Variants in CCDC149 observed in about 807,000 individuals in gnomAD.
CCDC149 encodes coiled-coil domain-containing protein 149.
CCDC149 carries 45 observed loss-of-function variants against 59.9 expected under a neutral mutation model. That is an observed-to-expected ratio of 0.75 (90% CI 0.59 to 0.96). The LOEUF is 0.96. CCDC149 is among the 40% of genes least tolerant of loss of function. The pLI is 0.00. For synonymous variants in CCDC149, 245 were observed against 260.6 expected, an observed-to-expected ratio of 0.94 and a Z score of 0.58; for missense variants, 584 against 664.7, an observed-to-expected ratio of 0.88 and a Z score of 1.33.
intron 1 of CCDC149, among the ~76,000 whole-genome samples, chr4:24,899,076 TA>T (rs1168304254): frequency 6.6e-6 from 1 of 152,120 alleles, no homozygotes; most frequent in African/African-American, 2.4e-5. Flanking sequence ...TTTCAATGCT[TA>T]GATGATGACT....
At chr4:24,872,936 C>A (rs559289042) in intron 3 of CCDC149, among the ~76,000 whole-genome samples, 1 of 151,050 alleles carries the variant, frequency 6.6e-6, no homozygotes, top group Non-Finnish European at 1.5e-5. Context: ...ACAGTATGCA[C>A]CCATAGAACA....
intron 1 of CCDC149, among the ~76,000 whole-genome samples, chr4:24,966,948 C>T (rs978210799): frequency 1.3e-5 from 2 of 152,318 alleles, no homozygotes; most frequent in Admixed American, 6.5e-5. Context: ...CTGGTGGATA[C>T]TGGTGCAGAT....
chr4:24,878,776 G>A (rs867607660), intron 1 of CCDC149, among the ~76,000 whole-genome samples: 51 of 152,192 alleles, frequency 3.4e-4, no homozygotes, highest in African/African-American at 1.2e-3. Context: ...TAAGCTCCGC[G>A]GGAACATCCC....
chr4:24,962,747 G>T lies in CCDC149; in HGVS notation c.-65+17322C>A, dbSNP rs544151840. On this transcript the variant is annotated intron_variant, in intron 1 of 12. Transcript: ENST00000389609. ...GGGGCCTGTTGTGGGGTGGGAGGAG[G>T]GGGGAGGGATAGCATTAGGAGATAT... Among the ~76,000 whole-genome samples, 105 of 152,090 alleles carry T rather than the reference G, an allele frequency of 6.9e-4. 1 individual carries two copies. The highest frequency in any genetic ancestry group is 3.3e-3 in the South Asian group (16 of 4,810).
intron 9 of CCDC149, among the ~76,000 whole-genome samples, chr4:24,825,580 T>C (rs940718013): frequency 9.2e-5 from 14 of 152,008 alleles, no homozygotes; most frequent in South Asian, 2.1e-4. Context: ...GAGACCATCC[T>C]GGCTAACATG....
intron 1 of CCDC149, among the ~76,000 whole-genome samples, chr4:24,936,515 G>A (rs930545910): frequency 7.2e-5 from 11 of 152,054 alleles, no homozygotes; most frequent in East Asian, 3.9e-4. Context: ...AATCAAGGTC[G>A]TTACCATATC....
At chr4:24,940,750 T>A in intron 1 of CCDC149, among the ~76,000 whole-genome samples, 1 of 152,016 alleles carries the variant, frequency 6.6e-6, no homozygotes, top group East Asian at 1.9e-4. Context: ...GTAATTCTAG[T>A]CTCAGATAAA....
At chr4:24,923,814 C>A (rs7688129) in intron 1 of CCDC149, among the ~76,000 whole-genome samples, 1 of 152,152 alleles carries the variant, frequency 6.6e-6, no homozygotes, top group East Asian at 1.9e-4. Flanking sequence ...AACAAAGACA[C>A]CCAAATATAC....
chr4:24,962,789 C>T lies in CCDC149; in HGVS notation c.-65+17280G>A, dbSNP rs547423352. Among the ~76,000 whole-genome samples the T allele has an allele frequency of 1.2e-3, 175 of 151,782 alleles. 1 individual carries two copies. The highest frequency in any genetic ancestry group is 3.2e-3 in the Admixed American group (49 of 15,256). On this transcript the variant is annotated intron_variant, in intron 1 of 12. Transcript: ENST00000389609. ...AGGAGATATACCTAATGTTAAGTGA[C>T]GAGTTAGTGGGTGCAGCACACCAAC...
At chr4:24,937,913 T>C (rs1395033953) in intron 1 of CCDC149, among the ~76,000 whole-genome samples, 1 of 152,164 alleles carries the variant, frequency 6.6e-6, no homozygotes, top group Non-Finnish European at 1.5e-5. Flanking sequence ...TCCTAAATGC[T>C]GTGCTGCTCC....
chr4:24,822,664 G>T, intron 9 of CCDC149, 91 bp from the exon 10 acceptor site: 1 of 841,302 alleles, frequency 1.2e-6, no homozygotes, highest in Non-Finnish European at 1.8e-6. Flanking sequence ...GTAGAAAAGT[G>T]TTGAGATTTA....
In CCDC149 at chr4:24,846,568, G is replaced by C. The variant is rs189491214; in HGVS notation, c.372+6504C>G. Among the ~76,000 whole-genome samples the C allele has an allele frequency of 9.8e-5, 15 of 152,322 alleles. No individual in the cohort carries two copies. In the East Asian group the frequency reaches 2.7e-3, roughly 27 times the overall value. On this transcript the variant is annotated intron_variant, in intron 4 of 12. Coordinates refer to ENST00000635206, the MANE Select transcript of CCDC149 (RefSeq NM_001330643.2). The stretch of plus-strand genomic sequence containing the variant: ...CTCATTGGTCTGTCTTTATTGGCCT[G>C]TAGCTGTATCTTAATTGGTTTGCTC...
At chr4:24,896,241 T>C (rs1019340680) in intron 1 of CCDC149, among the ~76,000 whole-genome samples, 1 of 152,228 alleles carries the variant, frequency 6.6e-6, no homozygotes, top group Non-Finnish European at 1.5e-5. Context: ...CTCAGTCTAA[T>C]CCACAAGCTT....
intron 12 of CCDC149, among the ~76,000 whole-genome samples, chr4:24,814,433 C>A (rs1714875771): frequency 6.6e-6 from 1 of 152,138 alleles, no homozygotes; most frequent in South Asian, 2.1e-4. Context: ...CTAATAGGTT[C>A]CTTTGATTCT....
intron 1 of CCDC149, among the ~76,000 whole-genome samples, chr4:24,900,650 C>T (rs1294478001): frequency 6.6e-6 from 1 of 152,266 alleles, no homozygotes; most frequent in East Asian, 1.9e-4. Flanking sequence ...CACAGAGATA[C>T]AGCTCCTCTC....
chr4:24,948,763 C>A (rs1336167669), intron 1 of CCDC149, among the ~76,000 whole-genome samples: 1 of 152,066 alleles, frequency 6.6e-6, no homozygotes, highest in African/African-American at 2.4e-5. Flanking sequence ...ATTGTAGTTC[C>A]CATAATTCCC....
At chr4:24,945,106 G>T (rs1257518101) in intron 1 of CCDC149, among the ~76,000 whole-genome samples, 1 of 152,216 alleles carries the variant, frequency 6.6e-6, no homozygotes, top group African/African-American at 2.4e-5. Context: ...ATCACAGTTT[G>T]CTGGGCTCCA....
At chr4:24,914,219 C>T (rs1722049124), upstream of CCDC149, among the ~76,000 whole-genome samples, 1 of 151,918 alleles carries the variant, frequency 6.6e-6, no homozygotes, top group South Asian at 2.1e-4. Flanking sequence ...AATGAAGTAT[C>T]ACCTTGAAAG....
At chr4:24,934,475 A>G (rs1386551089) in intron 1 of CCDC149, among the ~76,000 whole-genome samples, 2 of 152,202 alleles carry the variant, frequency 1.3e-5, no homozygotes, top group Non-Finnish European at 2.9e-5. Flanking sequence ...GGTAGGTATT[A>G]GCAACATGAA....
Sources: gnomAD v4.1 joint callset for allele counts (sites outside exome capture counted in the v4.1 genomes callset) on GRCh38, gnomAD v4.1.1 for gene constraint, MANE v1.5 for transcripts, NCBI Gene and HGNC (gene_info 2026-07-23, HGNC 2026-07-21) for gene names.